Variants in CALN1 observed in about 807,000 individuals in gnomAD.
CALN1 encodes the protein calcium-binding protein 8.
Under a neutral mutation model 30.6 loss-of-function variants are expected in CALN1, and 17 were observed. The observed-to-expected ratio is 0.56, with a 90% CI of 0.38 to 0.83. CALN1 has a LOEUF of 0.83. Among genes scored for constraint, CALN1 ranks in the 40% least tolerant of loss-of-function variants. CALN1 has a pLI of 0.00. For missense variants in CALN1, 291 were observed against 354.9 expected (o/e 0.82, Z 1.45); for synonymous variants, 156 against 131.4 (o/e 1.19, Z -1.28).
chr7:72,421,837 C>A (rs1014657247), intron 1 of CALN1, among the ~76,000 whole-genome samples: 1 of 152,032 alleles, frequency 6.6e-6, no homozygotes, highest in African/African-American at 2.4e-5. Context: ...ATCTGCCAGC[C>A]TCAGTCTCCC....
At chr7:71,946,367 C>CTTTTTTTT (rs34207419) in intron 5 of CALN1, among the ~76,000 whole-genome samples, 5 of 128,678 alleles carry the variant, frequency 3.9e-5, no homozygotes, top group Admixed American at 8.3e-5. Context: ...TTCTTTCTTT[C>CTTTTTTTT]TTTTTTTTTT....
chr7:72,058,571 G>A (rs997202086), intron 4 of CALN1, among the ~76,000 whole-genome samples: 6 of 151,938 alleles, frequency 3.9e-5, no homozygotes, highest in Middle Eastern at 3.4e-3. Context: ...TGCCTGCCTC[G>A]GCCTCCCAAA....
chr7:72,014,026 A>G (rs963550523), intron 5 of CALN1, among the ~76,000 whole-genome samples: 9 of 151,964 alleles, frequency 5.9e-5, no homozygotes, highest in Admixed American at 5.9e-4. Context: ...ATTTCTACAA[A>G]GAAATTGTAA....
chr7:71,973,311 G>T (rs1258107226), intron 5 of CALN1, among the ~76,000 whole-genome samples: 1 of 152,118 alleles, frequency 6.6e-6, no homozygotes, highest in African/African-American at 2.4e-5. Context: ...AAGTAGCTGG[G>T]ATTACATGTG....
chr7:71,797,669 T>C (rs1026245708), intron 6 of CALN1, among the ~76,000 whole-genome samples: 1 of 152,198 alleles, frequency 6.6e-6, no homozygotes, highest in Non-Finnish European at 1.5e-5. Context: ...CCCAGACAGC[T>C]GTGTTTTGCT....
intron 5 of CALN1, among the ~76,000 whole-genome samples, chr7:71,920,222 A>G (rs1170806872): frequency 6.6e-6 from 1 of 152,028 alleles, no homozygotes; most frequent in African/African-American, 2.4e-5. Flanking sequence ...ATGCACCTGT[A>G]CTGGCCTGTA....
intron 2 of CALN1, among the ~76,000 whole-genome samples, chr7:72,288,009 C>T (rs1472898715): frequency 6.6e-6 from 1 of 151,744 alleles, no homozygotes; most frequent in Non-Finnish European, 1.5e-5. Flanking sequence ...TAATAAATTA[C>T]CCCTGAACTT....
At chr7:72,071,040 A>G (rs1295077462) in intron 4 of CALN1, among the ~76,000 whole-genome samples, 1 of 152,178 alleles carries the variant, frequency 6.6e-6, no homozygotes, top group Non-Finnish European at 1.5e-5. Context: ...CTGTGTGACT[A>G]TTTTGAAATT....
At position 71,832,580 on chromosome 7, in the gene CALN1, T is replaced by C. The variant is rs1458690632; in HGVS notation, c.502-22088A>G. 2.0e-5 allele frequency among the ~76,000 whole-genome samples: 3 copies of C among 152,212 alleles called. No homozygotes were observed. The East Asian group carries it at 5.8e-4, about 29-fold the overall frequency. On this transcript the variant is annotated intron_variant, in intron 5 of 6. Coordinates refer to ENST00000395275, the MANE Select transcript of CALN1 (RefSeq NM_031468.4). The stretch of plus-strand genomic sequence containing the variant: ...TAGTTCCTTCATCATTGAGTCCAAG[T>C]TCTGAAACACAGCTCCTAAGTGTTT...
chr7:72,087,859 C>A (rs576214640), intron 4 of CALN1, among the ~76,000 whole-genome samples: 36 of 152,176 alleles, frequency 2.4e-4, no homozygotes, highest in African/African-American at 8.4e-4. Context: ...AAAGAAAACT[C>A]GGTCTAAAAA....
chr7:72,192,625 TTTATTATTATTATTATTATTA>T (rs140672013), intron 3 of CALN1, among the ~76,000 whole-genome samples: 9,640 of 143,768 alleles, frequency 0.067, 1,047 homozygotes, highest in African/African-American at 0.22. Flanking sequence ...TCCCATTTCT[TTTATTATTATTATTATTATTA>T]TTATTATTAT....
At chr7:72,364,833 G>A (rs545679206) in intron 2 of CALN1, among the ~76,000 whole-genome samples, 2 of 152,234 alleles carry the variant, frequency 1.3e-5, no homozygotes, top group South Asian at 2.1e-4. Context: ...ATTAGTATTC[G>A]AGATCAGCCT....
chr7:72,286,869 C>T (rs1434925608), intron 2 of CALN1, among the ~76,000 whole-genome samples: 1 of 152,184 alleles, frequency 6.6e-6, no homozygotes, highest in Non-Finnish European at 1.5e-5. Flanking sequence ...GACAATTTTA[C>T]AAACTTTAAC....
chr7:72,338,811 C>T (rs1005097072), intron 2 of CALN1, among the ~76,000 whole-genome samples: 7 of 151,892 alleles, frequency 4.6e-5, no homozygotes, highest in South Asian at 2.1e-4. Flanking sequence ...TACAAACAGT[C>T]CAATTACACT....
At chr7:71,990,152 C>G (rs1798871552) in intron 5 of CALN1, among the ~76,000 whole-genome samples, 1 of 152,086 alleles carries the variant, frequency 6.6e-6, no homozygotes, top group Admixed American at 6.6e-5. Flanking sequence ...TGGCCGAAAC[C>G]CACTAAAACC....
intron 3 of CALN1, among the ~76,000 whole-genome samples, chr7:72,164,864 TG>T (rs1167822529): frequency 2.0e-5 from 3 of 152,132 alleles, no homozygotes. Context: ...TTAGGGTTTT[TG>T]TTTGTTTTTT....
intron 5 of CALN1, among the ~76,000 whole-genome samples, chr7:71,944,895 G>A (rs958994106): frequency 7.2e-5 from 11 of 152,108 alleles, no homozygotes; most frequent in African/African-American, 1.9e-4. Flanking sequence ...ACACATGTAC[G>A]TCTTTCCCTA....
intron 3 of CALN1, among the ~76,000 whole-genome samples, chr7:72,196,455 AG>A: frequency 6.6e-6 from 1 of 151,968 alleles, no homozygotes; most frequent in South Asian, 2.1e-4. Context: ...ATGTTCTAAA[AG>A]TGATTACCCT....
intron 5 of CALN1, among the ~76,000 whole-genome samples, chr7:71,970,304 T>C (rs534353395): frequency 6.6e-6 from 1 of 152,284 alleles, no homozygotes; most frequent in Admixed American, 6.5e-5. Context: ...GATTGCTTCC[T>C]TCCAATCCCA....
Sources: gnomAD v4.1 joint callset for allele counts (sites outside exome capture counted in the v4.1 genomes callset) on GRCh38, gnomAD v4.1.1 for gene constraint, MANE v1.5 for transcripts, NCBI Gene and HGNC (gene_info 2026-07-23, HGNC 2026-07-21) for gene names.